The following PTPRN2 variants were observed in gnomAD, a reference collection of about 807,000 sequenced individuals.
PTPRN2 encodes the protein receptor-type tyrosine-protein phosphatase N2.
A neutral mutation model predicts 118.8 loss-of-function variants in PTPRN2; 74 were observed. That is an observed-to-expected ratio of 0.62 (90% CI 0.52 to 0.76). The LOEUF is 0.76. Ranked by LOEUF, PTPRN2 falls within the 30% of genes least tolerant of loss-of-function variation. The probability of loss-of-function intolerance (pLI) is 0.00; values close to 1 mark genes in which losing one functional copy is unlikely to be tolerated. For synonymous variants in PTPRN2, 641 were observed against 608.0 expected (o/e 1.05, Z -0.80); for missense variants, 1,481 against 1,394.4 (o/e 1.06, Z -0.99).
At chr7:158,335,864 C>T (rs1462242291) in intron 2 of PTPRN2, among the ~76,000 whole-genome samples, 2 of 8,290 alleles carry the variant, frequency 2.4e-4, no homozygotes, top group Admixed American at 7.1e-4. Context: ...CACCTGCAGA[C>T]GTCACTCACA....
chr7:157,577,402 A>G (rs1800115465), intron 18 of PTPRN2, among the ~76,000 whole-genome samples: 1 of 152,238 alleles, frequency 6.6e-6, no homozygotes, highest in African/African-American at 2.4e-5. Context: ...AATGCCAAAC[A>G]GAATCAAAGC....
chr7:158,318,878 C>G (rs541115920), intron 2 of PTPRN2, among the ~76,000 whole-genome samples: 1 of 152,358 alleles, frequency 6.6e-6, no homozygotes, highest in East Asian at 1.9e-4. Context: ...AGAAGCACAT[C>G]TGTGAGTAGC....
chr7:158,423,191 T>C (rs1586639003), intron 2 of PTPRN2, among the ~76,000 whole-genome samples: 2 of 152,248 alleles, frequency 1.3e-5, no homozygotes, highest in African/African-American at 4.8e-5. Context: ...TCAACTCATC[T>C]GGGAAACAAG....
Position 157,913,593 on chromosome 7 carries a change from A to G in PTPRN2, c.1724-14856T>C, listed in dbSNP as rs188868064. Among the ~76,000 whole-genome samples the G allele has an allele frequency of 2.8e-3, 427 of 152,356 alleles. 5 individuals carry two copies. Among genetic ancestry groups the G allele is most frequent in the Non-Finnish European group, 1.0e-3 (70 of 68,034 alleles). Reference sequence around the variant, plus strand: ...TCTTACTTTATTCAACATTTTTATTATGAATGAATGTTAATATTTAGCAAA... The same window carrying G: ...TCTTACTTTATTCAACATTTTTATTGTGAATGAATGTTAATATTTAGCAAA... On this transcript the variant is annotated intron_variant, in intron 11 of 22. Transcript: ENST00000389418.
chr7:158,329,095 G>C (rs75599404), intron 2 of PTPRN2, among the ~76,000 whole-genome samples: 3 of 152,270 alleles, frequency 2.0e-5, no homozygotes, highest in African/African-American at 7.2e-5. Flanking sequence ...CAAATCCAGC[G>C]GCGCACAGCC....
chr7:157,989,398 G>A (rs1804068996), intron 11 of PTPRN2, among the ~76,000 whole-genome samples: 1 of 152,104 alleles, frequency 6.6e-6, no homozygotes, highest in African/African-American at 2.4e-5. Context: ...CAGCCTGGGT[G>A]ACAGAGCAAG....
At chr7:158,192,287 A>G in intron 5 of PTPRN2, 40 bp downstream of exon 5, 1 of 1,435,884 alleles carries the variant, frequency 7.0e-7, no homozygotes, top group Middle Eastern at 2.4e-4. Context: ...ACCCTGAAGG[A>G]AAAGCCAACC....
At chr7:157,716,086 A>G (rs985394172) in intron 12 of PTPRN2, among the ~76,000 whole-genome samples, 2 of 152,236 alleles carry the variant, frequency 1.3e-5, no homozygotes, top group Non-Finnish European at 2.9e-5. Flanking sequence ...GTGACCCATC[A>G]GCTCCCGGGC....
chr7:157,644,764 C>G (rs151285200), intron 14 of PTPRN2, among the ~76,000 whole-genome samples: 2,521 of 151,136 alleles, frequency 0.017, 76 homozygotes, highest in African/African-American at 0.058. Flanking sequence ...CATTGCACTC[C>G]AGCCTGGGCA....
Position 157,610,578 on chromosome 7 carries a change from G to A in PTPRN2, c.2345-6503C>T, listed in dbSNP as rs761948774. On this transcript the variant is annotated intron_variant, in intron 15 of 22. Transcript: ENST00000389418. This position sits in a 1 kb window ranked among gnomAD's most constrained non-coding sequence, Gnocchi z 5.1. ...AAGGCACATCCCGGGGCTGCTGGCC[G>A]TCAGCAAGGGCCGTCAGTGCTGCTT... Among the ~76,000 whole-genome samples the A allele has an allele frequency of 1.3e-4, 20 of 152,210 alleles. No individual in the cohort carries two copies. The highest frequency in any genetic ancestry group is 3.8e-4 in the East Asian group (2 of 5,198).
At chr7:158,384,776 T>A (rs1563226768) in intron 2 of PTPRN2, among the ~76,000 whole-genome samples, 1 of 152,222 alleles carries the variant, frequency 6.6e-6, no homozygotes, top group African/African-American at 2.4e-5. Context: ...AAACATGCAC[T>A]CTTTGTAAAA....
At chr7:158,199,492 G>A (rs1826466112) in intron 4 of PTPRN2, among the ~76,000 whole-genome samples, 1 of 152,234 alleles carries the variant, frequency 6.6e-6, no homozygotes, top group South Asian at 2.1e-4. Flanking sequence ...TGGGGATTCT[G>A]AAGACTTCAT....
intron 12 of PTPRN2, among the ~76,000 whole-genome samples, chr7:157,846,758 G>A (rs1371833309): frequency 3.3e-5 from 5 of 149,814 alleles, no homozygotes; most frequent in African/African-American, 1.2e-4. Context: ...ATGCGTGCCC[G>A]ATGTCTACAG....
chr7:158,529,628 C>T lies in PTPRN2; in HGVS notation c.113-39843G>A, dbSNP rs55917117. On this transcript the variant is annotated intron_variant, in intron 1 of 22. Coordinates refer to ENST00000389418, the MANE Select transcript of PTPRN2 (RefSeq NM_002847.5). The surrounding 1 kb of genome is among the most constrained non-coding windows in gnomAD (Gnocchi z 4.7). Reference sequence around the variant, plus strand: ...TGTGAGTCTGGGCTCCAATCAGCAGCGAAGATGCAGTGTGGGAATGACAGC... The same window carrying T: ...TGTGAGTCTGGGCTCCAATCAGCAGTGAAGATGCAGTGTGGGAATGACAGC... Among the ~76,000 whole-genome samples, 2,436 of 152,318 alleles carry T rather than the reference C, an allele frequency of 0.016. 40 individuals carry two copies. The highest frequency in any genetic ancestry group is 0.039 in the South Asian group (189 of 4,830).
At chr7:157,741,992 C>T (rs953545588) in intron 12 of PTPRN2, among the ~76,000 whole-genome samples, 5 of 152,300 alleles carry the variant, frequency 3.3e-5, no homozygotes, top group African/African-American at 2.4e-5. Flanking sequence ...GTGGCAGGGA[C>T]CAACAATCTG....
chr7:158,388,173 T>C (rs1400418990), intron 2 of PTPRN2, among the ~76,000 whole-genome samples: 2 of 152,014 alleles, frequency 1.3e-5, no homozygotes, highest in African/African-American at 4.8e-5. Flanking sequence ...GGAGCACCCC[T>C]GTCCACACTG....
chr7:157,933,039 A>G (rs918416833), intron 11 of PTPRN2, among the ~76,000 whole-genome samples: 2 of 147,416 alleles, frequency 1.4e-5, no homozygotes, highest in African/African-American at 5.1e-5. Flanking sequence ...TGACAGTTTT[A>G]GTGGCGGGGT....
At chr7:158,445,506 C>T (rs956928141) in intron 2 of PTPRN2, among the ~76,000 whole-genome samples, 15 of 152,332 alleles carry the variant, frequency 9.8e-5, no homozygotes, top group Non-Finnish European at 1.5e-4. Flanking sequence ...CCAGTGACCC[C>T]GCGGCCTCTC....
intron 3 of PTPRN2, among the ~76,000 whole-genome samples, chr7:158,262,593 C>T (rs983224017): frequency 2.0e-5 from 3 of 149,280 alleles, no homozygotes; most frequent in Admixed American, 2.0e-4. Context: ...CACACATTCA[C>T]ACACATTCAC....
Sources: allele counts gnomAD v4.1 joint callset (sites outside exome capture counted in the v4.1 genomes callset), GRCh38; gene constraint gnomAD v4.1.1; non-coding constraint Gnocchi (gnomAD v3.1); transcripts MANE v1.5; gene names NCBI Gene and HGNC (gene_info 2026-07-23, HGNC 2026-07-21).